Variants in MEGF8 observed in about 807,000 individuals in gnomAD.
MEGF8 encodes multiple EGF like domains 8.
MEGF8 carries 156 observed loss-of-function variants against 302.9 expected under a neutral mutation model. The observed-to-expected ratio is 0.52, with a 90% CI of 0.45 to 0.59. The LOEUF (loss-of-function observed/expected upper bound fraction) is 0.59, where lower values mean the gene tolerates loss of function less well. MEGF8 is among the 20% of genes least tolerant of loss of function. MEGF8 has a pLI of 0.00. For synonymous variants in MEGF8, 1,621 were observed against 1,660.5 expected (o/e 0.98, Z 0.58); for missense variants, 3,345 against 3,964.5 (o/e 0.84, Z 4.20).
chr19:42,363,561 T>TA (rs1555783734), intron 35 of MEGF8, among the ~76,000 whole-genome samples: 1 of 152,208 alleles, frequency 6.6e-6, no homozygotes, highest in Non-Finnish European at 1.5e-5. Context: ...TCCATGACTT[T>TA]AAAAAAATTT....
Position 42,356,025 on chromosome 19 carries a change from A to C in MEGF8, c.4392+20A>C. On this transcript the variant is annotated intron_variant, in intron 24 of 41. Transcript: ENST00000251268. This position sits in a 1 kb window ranked among gnomAD's most constrained non-coding sequence, Gnocchi z 5.2. ...AACCAGGTACAGGTGGGAGAGGGCA[A>C]GTCTGGTGGGACAGGGCTGGTGATC... 1 of 1,606,842 alleles carries C rather than the reference A, an allele frequency of 6.2e-7. No individual in the cohort carries two copies. The highest frequency in any genetic ancestry group is 8.5e-7 in the Non-Finnish European group (1 of 1,174,714).
At position 42,356,573 on chromosome 19, in the gene MEGF8, T is replaced by A; in HGVS notation, c.4622+120T>A. Reference sequence around the variant, plus strand: ...AGGTAAAGGACAGCCCAAAGGATGCTGGGACACTTGTCACAGGAAGCTCAC... The same window carrying A: ...AGGTAAAGGACAGCCCAAAGGATGCAGGGACACTTGTCACAGGAAGCTCAC... On this transcript the variant is annotated intron_variant, in intron 26 of 41. Transcript: ENST00000251268. This position sits in a 1 kb window ranked among gnomAD's most constrained non-coding sequence, Gnocchi z 5.2. The A allele has an allele frequency of 2.0e-6, 2 of 976,156 alleles. No homozygotes were observed. The highest frequency in any genetic ancestry group is 3.0e-6 in the Non-Finnish European group (2 of 675,286). 60.5% of individuals were successfully genotyped at this position (976,156 alleles called of 1,614,324 possible).
intron 32 of MEGF8, 151 bp from the exon 33 acceptor site, chr19:42,361,939 A>G (rs1244083679): frequency 3.3e-6 from 4 of 1,199,080 alleles, no homozygotes; most frequent in Non-Finnish European, 4.6e-6. Context: ...GGGACCATCT[A>G]TTACCAAATG....
At chr19:42,365,184 C>T (rs1457538961) in intron 35 of MEGF8, among the ~76,000 whole-genome samples, 1 of 152,050 alleles carries the variant, frequency 6.6e-6, no homozygotes, top group African/African-American at 2.4e-5. Context: ...ATTGAAATTT[C>T]CATCATTTAT....
At position 42,337,070 on chromosome 19, in the gene MEGF8, T is replaced by C. The variant is rs982300906; in HGVS notation, c.1391-14T>C. 1 of 1,613,724 alleles carries C rather than the reference T, an allele frequency of 6.2e-7. No individual in the cohort carries two copies. The highest frequency in any genetic ancestry group is 8.5e-7 in the Non-Finnish European group (1 of 1,179,766). On this transcript the variant is annotated splice_polypyrimidine_tract_variant and intron_variant, in intron 7 of 41. Coordinates refer to ENST00000251268, the MANE Select transcript of MEGF8 (RefSeq NM_001271938.2). ...CCTAGGCTTGCCAGCTATGCCCCTT[T>C]CCTCCATTCCCAGGGGGCAATGTGC...
intron 8 of MEGF8, among the ~76,000 whole-genome samples, chr19:42,340,374 C>T (rs1236178639): frequency 3.9e-5 from 6 of 151,992 alleles, no homozygotes; most frequent in South Asian, 4.2e-4. Flanking sequence ...GGACTAGAAG[C>T]GTGTGCCACC....
Position 42,358,120 on chromosome 19 carries a change from G to T in MEGF8, c.5012-24G>T. ...AGTGCTGTTGTCAGCCCCTCCCCCAGCCTGTCACCCTGCCCCTCACCAGGT... is the reference window on the plus strand; with the variant it reads ...AGTGCTGTTGTCAGCCCCTCCCCCATCCTGTCACCCTGCCCCTCACCAGGT... On this transcript the variant is annotated intron_variant, in intron 28 of 41. Coordinates refer to ENST00000251268, the MANE Select transcript of MEGF8 (RefSeq NM_001271938.2). This position sits in a 1 kb window ranked among gnomAD's most constrained non-coding sequence, Gnocchi z 4.4. The T allele has an allele frequency of 6.6e-7, 1 of 1,525,892 alleles. No individual in the cohort carries two copies. The highest frequency in any genetic ancestry group is 2.5e-5 in the East Asian group (1 of 40,508). The allele number at this position is 1,525,892 out of a possible 1,614,324, so 94.5% of individuals were successfully genotyped here.
Position 42,336,195 on chromosome 19 carries a change from C to T in MEGF8, c.1093C>T (p.Arg365Cys), listed in dbSNP as rs1377476090. Residue 365 changes from arginine (R) to cysteine (C), a missense_variant, in exon 6 of 42, where the codon CGT becomes TGT. Transcript: ENST00000251268. This position sits in a 1 kb window ranked among gnomAD's most constrained non-coding sequence, Gnocchi z 4.8. Reference sequence around the variant, plus strand: ...CGACCTCTTCTCCTCTGGCCTCTTCCGTTTCCGCCTTGACAGCACCAGCGG... The same window carrying T: ...CGACCTCTTCTCCTCTGGCCTCTTCTGTTTCCGCCTTGACAGCACCAGCGG... ...PHDLFSSGLFRFRLDSTSGGY... is the reference protein window; with the variant it reads ...PHDLFSSGLFCFRLDSTSGGY... 5.0e-6 allele frequency: 8 copies of T among 1,610,512 alleles called. No homozygotes were observed. The highest frequency in any genetic ancestry group is 1.7e-5 in the Admixed American group (1 of 60,004).
chr19:42,368,408 C>T lies in MEGF8; in HGVS notation c.6274-47C>T, dbSNP rs1402611070. The T allele has an allele frequency of 3.8e-6, 5 of 1,307,890 alleles. No individual in the cohort carries two copies. In the South Asian group the frequency reaches 9.0e-5, roughly 24 times the overall value. The allele number at this position is 1,307,890 out of a possible 1,614,324, so 81.0% of individuals were successfully genotyped here. A position where few individuals can be genotyped will look rare whatever the true frequency, so the allele number is the denominator to read the frequency against. On this transcript the variant is annotated intron_variant, in intron 35 of 41. Transcript: ENST00000251268. The surrounding 1 kb of genome is among the most constrained non-coding windows in gnomAD (Gnocchi z 4.9). Reference sequence around the variant, plus strand: ...AGAATGTGTTTGTTTAAGCTTATTTCCCCATCTCTCTCTTCCCTGCATCCC... The same window carrying T: ...AGAATGTGTTTGTTTAAGCTTATTTTCCCATCTCTCTCTTCCCTGCATCCC...
At chr19:42,339,691 A>G (rs983259105) in intron 8 of MEGF8, among the ~76,000 whole-genome samples, 1 of 152,200 alleles carries the variant, frequency 6.6e-6, no homozygotes, top group Non-Finnish European at 1.5e-5. Context: ...TATCTTTAGC[A>G]GTAACTTTTT....
chr19:42,369,944 G>A lies in MEGF8; in HGVS notation c.6834+221G>A, dbSNP rs1406751978. 6.6e-6 allele frequency among the ~76,000 whole-genome samples: 1 copy of A among 152,242 alleles called. No individual in the cohort carries two copies. Among genetic ancestry groups the A allele is most frequent in the Non-Finnish European group, 1.5e-5 (1 of 68,034 alleles). On this transcript the variant is annotated intron_variant, in intron 38 of 41. Transcript: ENST00000251268. This position sits in a 1 kb window ranked among gnomAD's most constrained non-coding sequence, Gnocchi z 5.7. The stretch of plus-strand genomic sequence containing the variant: ...GAATAGTGGACGGAGTGGGTGCTGC[G>A]CCAGGAGGACAGGCACGTGGAGGAG...
chr19:42,344,397 G>A lies in MEGF8; in HGVS notation c.1789-44G>A, dbSNP rs1318666270. 1 of 1,534,816 alleles carries A rather than the reference G, an allele frequency of 6.5e-7. No individual in the cohort carries two copies. Among genetic ancestry groups the A allele is most frequent in the East Asian group, 2.3e-5 (1 of 44,044 alleles). ...ACAGCCCTTCCTTCCCAGATCTCTT[G>A]AGCTCCAGTTGACAGTGAGCCCTTT... On this transcript the variant is annotated intron_variant, in intron 10 of 41. Transcript: ENST00000251268. The surrounding 1 kb of genome is among the most constrained non-coding windows in gnomAD (Gnocchi z 4.5).
In MEGF8 at chr19:42,354,078, G is replaced by C. The variant is rs2039417023; in HGVS notation, c.4011+54G>C. The C allele has an allele frequency of 2.6e-6, 4 of 1,532,594 alleles. No homozygotes were observed. The Admixed American group carries it at 7.8e-5, about 30-fold the overall frequency. 94.9% of individuals were successfully genotyped at this position (1,532,594 alleles called of 1,614,324 possible). A position where few individuals can be genotyped will look rare whatever the true frequency, so the allele number is the denominator to read the frequency against. On this transcript the variant is annotated intron_variant, in intron 22 of 41. Transcript: ENST00000251268. The surrounding 1 kb of genome is among the most constrained non-coding windows in gnomAD (Gnocchi z 4.3). The stretch of plus-strand genomic sequence containing the variant: ...CGCATGAGCCAGAACCGTGTCCCCT[G>C]ACCCAGCCTGCATCCTCAGACCCTG...
rs2039347339 is a variant in MEGF8 at position 42,350,135 on chromosome 19, A to AC, written c.2500-9dup. The AC allele has an allele frequency of 6.3e-7, 1 of 1,596,092 alleles. No homozygotes were observed. The highest frequency in any genetic ancestry group is 8.6e-7 in the Non-Finnish European group (1 of 1,165,886). On this transcript the variant is annotated splice_polypyrimidine_tract_variant and intron_variant, in intron 14 of 41. Transcript: ENST00000251268. ...AGACCTTGACTGCTGCCTTCCTGTGACCCCTTCCCCAGGAGATCTCCTTCT... is the reference window on the plus strand; with the variant it reads ...AGACCTTGACTGCTGCCTTCCTGTGACCCCCTTCCCCAGGAGATCTCCTTCT...
chr19:42,370,798 A>C lies in MEGF8; in HGVS notation c.7103A>C (p.Gln2368Pro), dbSNP rs1239176672. The change falls in exon 40 of 42, where the codon CAG (glutamine) becomes CCG (proline). Residue 2368 changes from glutamine to proline, a missense_variant. Transcript: ENST00000251268. ...GGGGAGAAATGCGAGAGCTGCCTGCAGGGCTACTTCCTCCTGGACGGGAAG... is the reference window on the plus strand; with the variant it reads ...GGGGAGAAATGCGAGAGCTGCCTGCCGGGCTACTTCCTCCTGGACGGGAAG... ...SYGEKCESCLQGYFLLDGKCT... is the reference protein window; with the variant it reads ...SYGEKCESCLPGYFLLDGKCT... 2 of 1,366,626 alleles carry C rather than the reference A, an allele frequency of 1.5e-6. No homozygotes were observed. The highest frequency in any genetic ancestry group is 3.1e-5 in the African/African-American group (2 of 64,408). The allele number at this position is 1,366,626 out of a possible 1,614,324, so 84.7% of individuals were successfully genotyped here. A position where few individuals can be genotyped will look rare whatever the true frequency, so the allele number is the denominator to read the frequency against.
In MEGF8 at chr19:42,369,218, G is replaced by C. The variant is rs10426267; in HGVS notation, c.6641+216G>C. Among the ~76,000 whole-genome samples, 3,391 of 152,316 alleles carry C rather than the reference G, an allele frequency of 0.022. 134 individuals carry two copies. The highest frequency in any genetic ancestry group is 0.076 in the African/African-American group (3,145 of 41,548). On this transcript the variant is annotated intron_variant, in intron 37 of 41. Coordinates refer to ENST00000251268, the MANE Select transcript of MEGF8 (RefSeq NM_001271938.2). The surrounding 1 kb of genome is among the most constrained non-coding windows in gnomAD (Gnocchi z 5.7). Reference sequence around the variant, plus strand: ...CCAATGGCCGGGCACAGTGGCTGATGCCTGTAATCCCAGCACTTTGGGAGG... The same window carrying C: ...CCAATGGCCGGGCACAGTGGCTGATCCCTGTAATCCCAGCACTTTGGGAGG...
rs756510671 is a variant in MEGF8, at chr19:42,375,706, G to A, written c.7469G>A (p.Arg2490His). 14 of 1,611,070 alleles carry A rather than the reference G, an allele frequency of 8.7e-6. No individual in the cohort carries two copies. Among genetic ancestry groups the A allele is most frequent in the Middle Eastern group, 3.3e-4 (2 of 6,062 alleles). Residue 2490 changes from arginine (R) to histidine (H), a missense_variant, in exon 42 of 42, where the codon CGC becomes CAC. Transcript: ENST00000251268. This position sits in a 1 kb window ranked among gnomAD's most constrained non-coding sequence, Gnocchi z 7.1. The stretch of plus-strand genomic sequence containing the variant: ...CCCAAATTCACCAACGTGGACATCC[G>A]CCTGACGCTGGACGTGACCTTCGGG... ...VQPKFTNVDI[R>H]LTLDVTFGAV...
At position 42,351,680 on chromosome 19, in the gene MEGF8, A is replaced by G. The variant is rs1233127460; in HGVS notation, c.3020A>G (p.Asp1007Gly). 6.3e-7 allele frequency: 1 copy of G among 1,591,138 alleles called. No homozygotes were observed. Among genetic ancestry groups the G allele is most frequent in the Non-Finnish European group, 8.5e-7 (1 of 1,169,618 alleles). Reference protein sequence around the residue: ...VHSEPRCRSCDGFLTCHECLQ... With the variant: ...VHSEPRCRSCGGFLTCHECLQ... Reference sequence around the variant, plus strand: ...TCGGAGCCACGGTGCCGGAGCTGCGATGGCTTCCTGACCTGCCATGAGTGT... The same window carrying G: ...TCGGAGCCACGGTGCCGGAGCTGCGGTGGCTTCCTGACCTGCCATGAGTGT... Residue 1007 changes from aspartate (D) to glycine (G), a missense_variant, in exon 18 of 42, where the codon GAT (aspartate) becomes GGT (glycine). Asp to Gly is a moderately conservative substitution (Grantham distance 94). Coordinates refer to ENST00000251268, the MANE Select transcript of MEGF8 (RefSeq NM_001271938.2). This position sits in a 1 kb window ranked among gnomAD's most constrained non-coding sequence, Gnocchi z 5.6.
intron 32 of MEGF8, among the ~76,000 whole-genome samples, chr19:42,361,579 CAG>C (rs2039532194): frequency 6.6e-6 from 1 of 152,180 alleles, no homozygotes; most frequent in Non-Finnish European, 1.5e-5. Context: ...TATTGTGTAA[CAG>C]TGGGTACACC....
Sources: allele counts gnomAD v4.1 joint callset (sites outside exome capture counted in the v4.1 genomes callset), GRCh38; gene constraint gnomAD v4.1.1; non-coding constraint Gnocchi (gnomAD v3.1); transcripts MANE v1.5; gene names NCBI Gene and HGNC (gene_info 2026-07-23, HGNC 2026-07-21).